The following ZBTB20 variants were observed in gnomAD, a reference collection of about 807,000 sequenced individuals.
ZBTB20 encodes the protein zinc finger and BTB domain-containing protein 20.
ZBTB20 carries 9 observed loss-of-function variants against 56.9 expected under a neutral mutation model. That is an observed-to-expected ratio of 0.16 (90% CI 0.10 to 0.28). The LOEUF is 0.28. Among genes scored for constraint, ZBTB20 ranks in the 10% least tolerant of loss-of-function variants. The pLI is 1.00. For missense variants in ZBTB20, 655 were observed against 1,003.0 expected (o/e 0.65, Z 4.69); for synonymous variants, 417 against 420.7 (o/e 0.99, Z 0.11).
At chr3:114,393,015 C>T (rs763692120) in intron 7 of ZBTB20, among the ~76,000 whole-genome samples, 2 of 152,210 alleles carry the variant, frequency 1.3e-5, no homozygotes, top group Non-Finnish European at 2.9e-5. Flanking sequence ...CCCAGGTGAG[C>T]GCTTGACTCA....
At chr3:114,600,652 T>C (rs950018834) in intron 6 of ZBTB20, among the ~76,000 whole-genome samples, 1 of 152,034 alleles carries the variant, frequency 6.6e-6, no homozygotes, top group Non-Finnish European at 1.5e-5. Flanking sequence ...TCATATTCAT[T>C]ACATTGAAAG....
At chr3:114,793,648 G>T (rs2071135059) in intron 5 of ZBTB20, among the ~76,000 whole-genome samples, 2 of 152,038 alleles carry the variant, frequency 1.3e-5, no homozygotes, top group Non-Finnish European at 2.9e-5. Context: ...ATTCTACTTT[G>T]CCAGATGAGG....
chr3:115,026,360 A>G (rs2080422656), intron 2 of ZBTB20, among the ~76,000 whole-genome samples: 1 of 151,038 alleles, frequency 6.6e-6, no homozygotes, highest in Non-Finnish European at 1.5e-5. Flanking sequence ...ATTTGCTTCA[A>G]CTGTACAAAT....
intron 4 of ZBTB20, among the ~76,000 whole-genome samples, chr3:114,884,206 T>C (rs547141148): frequency 3.9e-5 from 6 of 152,194 alleles, no homozygotes; most frequent in Admixed American, 2.6e-4. Context: ...ATTACAGGCG[T>C]GAGCCACCGC....
At chr3:114,675,127 C>G (rs1419598991) in intron 6 of ZBTB20, among the ~76,000 whole-genome samples, 1 of 150,050 alleles carries the variant, frequency 6.7e-6, no homozygotes, top group African/African-American at 2.4e-5. Context: ...ATTTTATTTG[C>G]TGTATAGCTA....
intron 2 of ZBTB20, among the ~76,000 whole-genome samples, chr3:115,059,481 C>T (rs990906096): frequency 6.6e-6 from 1 of 152,196 alleles, no homozygotes; most frequent in African/African-American, 2.4e-5. Flanking sequence ...AACTCAAACA[C>T]TTCCAATCCG....
At chr3:114,748,279 C>CTTCTTTCT (rs147900859) in intron 5 of ZBTB20, among the ~76,000 whole-genome samples, 4,085 of 104,432 alleles carry the variant, frequency 0.039, 156 homozygotes, top group African/African-American at 0.049. Context: ...TTTGTTGTAG[C>CTTCTTTCT]TTCTTTCTTT....
At chr3:115,086,210 G>A (rs959914486) in intron 1 of ZBTB20, among the ~76,000 whole-genome samples, 1 of 151,666 alleles carries the variant, frequency 6.6e-6, no homozygotes, top group African/African-American at 2.4e-5. Flanking sequence ...TATGCTTTTA[G>A]GTCACTGTCA....
At chr3:114,978,360 A>G (rs960628926) in intron 2 of ZBTB20, among the ~76,000 whole-genome samples, 5 of 150,024 alleles carry the variant, frequency 3.3e-5, no homozygotes, top group African/African-American at 1.2e-4. Flanking sequence ...TGAAATAAGA[A>G]GCTAAAATAC....
chr3:114,549,460 C>T (rs2050287334), intron 6 of ZBTB20, among the ~76,000 whole-genome samples: 1 of 151,946 alleles, frequency 6.6e-6, no homozygotes, highest in Non-Finnish European at 1.5e-5. Context: ...AATTTTTTTT[C>T]AACATGGTAA....
intron 6 of ZBTB20, among the ~76,000 whole-genome samples, chr3:114,681,311 C>A (rs1448659153): frequency 6.6e-6 from 1 of 152,150 alleles, no homozygotes; most frequent in African/African-American, 2.4e-5. Context: ...TAGGCGTGTG[C>A]CACCACGCCC....
intron 6 of ZBTB20, among the ~76,000 whole-genome samples, chr3:114,552,110 G>C (rs188137848): frequency 2.3e-4 from 35 of 152,244 alleles, no homozygotes; most frequent in Non-Finnish European, 4.0e-4. Flanking sequence ...AGCTACTCAG[G>C]GGGTGAGGTG....
intron 5 of ZBTB20, among the ~76,000 whole-genome samples, chr3:114,725,624 A>C (rs1399415313): frequency 6.6e-6 from 1 of 152,212 alleles, no homozygotes; most frequent in Non-Finnish European, 1.5e-5. Context: ...ATCTAAGGAG[A>C]AATTTAAACA....
chr3:114,777,396 C>T (rs1292263974), intron 5 of ZBTB20, among the ~76,000 whole-genome samples: 1 of 151,928 alleles, frequency 6.6e-6, no homozygotes, highest in Non-Finnish European at 1.5e-5. Context: ...CCCAGCTACT[C>T]GGGAGGCTGA....
rs187427375 is a variant in ZBTB20 at position 114,799,109 on chromosome 3, T to C, written c.-343+1992A>G. 2.0e-5 allele frequency among the ~76,000 whole-genome samples: 3 copies of C among 152,004 alleles called. No homozygotes were observed. The East Asian group carries it at 5.8e-4, about 29-fold the overall frequency. ...CACTAAAAGTACATTCTGCTAATGG[T>C]TCCTTCCCAAATCCCTGGCCTCTTG... is the stretch of plus-strand genomic sequence containing the variant. On this transcript the variant is annotated intron_variant, in intron 5 of 11. Coordinates refer to ENST00000675478, the MANE Select transcript of ZBTB20 (RefSeq NM_001348800.3).
intron 5 of ZBTB20, among the ~76,000 whole-genome samples, chr3:114,709,269 G>T (rs1226490091): frequency 6.6e-6 from 1 of 152,046 alleles, no homozygotes; most frequent in East Asian, 1.9e-4. Flanking sequence ...CATTCTCACA[G>T]TTCTTTGTAA....
Position 115,117,418 on chromosome 3 carries a change from CAG to C in ZBTB20, c.-703+29799_-703+29800del, listed in dbSNP as rs2084051468. On this transcript the variant is annotated intron_variant, in intron 1 of 11. Transcript: ENST00000675478. ...CAGCTACATAGAACTCACCTTTTCC[CAG>C]ACCTTATCAGATTATCTAAATGTTG... Among the ~76,000 whole-genome samples the C allele has an allele frequency of 2.6e-5, 4 of 152,046 alleles. No individual in the cohort carries two copies. The South Asian group carries it at 8.3e-4, about 32-fold the overall frequency.
At chr3:114,655,453 C>T (rs1270529567) in intron 6 of ZBTB20, among the ~76,000 whole-genome samples, 1 of 151,046 alleles carries the variant, frequency 6.6e-6, no homozygotes, top group African/African-American at 2.4e-5. Context: ...GGGGTTTCAC[C>T]TTGTTAGCCA....
chr3:114,501,351 G>A (rs888607970), intron 6 of ZBTB20, among the ~76,000 whole-genome samples: 12 of 152,066 alleles, frequency 7.9e-5, no homozygotes, highest in African/African-American at 1.4e-4. Flanking sequence ...CAGGCTAGGC[G>A]CGGTGGCTCA....
Sources: gnomAD v4.1 joint callset for allele counts (sites outside exome capture counted in the v4.1 genomes callset) on GRCh38, gnomAD v4.1.1 for gene constraint, MANE v1.5 for transcripts, NCBI Gene and HGNC (gene_info 2026-07-23, HGNC 2026-07-21) for gene names.